SLCO1C1: variants seen among roughly 807,000 people sequenced by gnomAD.
SLCO1C1 encodes the protein OAT-RP-5.
In SLCO1C1, 70 loss-of-function variants were observed where a neutral mutation model predicts 76.4. The ratio of observed to expected loss-of-function variants is 0.92; its 90% CI spans 0.76 to 1.12. The LOEUF is 1.12. Ranked by LOEUF, SLCO1C1 falls within the 50% of genes most tolerant of loss-of-function variation. SLCO1C1 has a pLI of 0.00. For synonymous variants in SLCO1C1, 306 were observed against 286.1 expected (o/e 1.07, Z -0.70); for missense variants, 912 against 823.8 (o/e 1.11, Z -1.31).
intron 8 of SLCO1C1, 41 bp downstream of exon 8, chr12:20,722,090 G>T (rs1364566874): frequency 6.3e-7 from 1 of 1,589,316 alleles, no homozygotes; most frequent in South Asian, 1.1e-5. Flanking sequence ...TCATTTTTCT[G>T]TTGGGGCTTA....
chr12:20,720,714 C>A (rs1325226275), intron 7 of SLCO1C1, among the ~76,000 whole-genome samples: 1 of 152,154 alleles, frequency 6.6e-6, no homozygotes, highest in Non-Finnish European at 1.5e-5. Flanking sequence ...AAAGCTTGAA[C>A]AGGCTGGGCG....
intron 9 of SLCO1C1, among the ~76,000 whole-genome samples, chr12:20,727,024 T>C (rs1948041347): frequency 1.3e-5 from 2 of 152,218 alleles, no homozygotes; most frequent in Non-Finnish European, 2.9e-5. Flanking sequence ...TCTGTGTTGC[T>C]GCAAAGGGCA....
At chr12:20,739,963 C>T (rs10770715) in intron 11 of SLCO1C1, among the ~76,000 whole-genome samples, 66,210 of 151,964 alleles carry the variant, frequency 0.44, 17,143 homozygotes, top group South Asian at 0.63. Context: ...GATTGTTGTA[C>T]AGGATTAGTA....
intron 7 of SLCO1C1, among the ~76,000 whole-genome samples, chr12:20,719,837 T>C (rs893779740): frequency 3.3e-5 from 5 of 152,180 alleles, no homozygotes; most frequent in African/African-American, 1.2e-4. Flanking sequence ...CAGAAAGTTA[T>C]CCAGAATATT....
rs772559363 is a variant in SLCO1C1 at position 20,750,890 on chromosome 12, T to C, written c.1916+98T>C. 3.2e-5 allele frequency: 52 copies of C among 1,611,782 alleles called. No individual in the cohort carries two copies. The Admixed American group carries it at 7.5e-4, about 23-fold the overall frequency. ...CAAGTTTTCATGTCATTTCACTGCTTGTAAGGTAAAGAATAGTCTAATCAA... is the reference window on the plus strand; with the variant it reads ...CAAGTTTTCATGTCATTTCACTGCTCGTAAGGTAAAGAATAGTCTAATCAA... On this transcript the variant is annotated intron_variant, in intron 14 of 14. Transcript: ENST00000266509.
chr12:20,751,231 C>T (rs776687235), intron 14 of SLCO1C1, among the ~76,000 whole-genome samples: 5 of 152,160 alleles, frequency 3.3e-5, no homozygotes, highest in Non-Finnish European at 5.9e-5. Context: ...TAAATCTGTC[C>T]GGCTTTTATT....
intron 7 of SLCO1C1, 71 bp from the exon 8 acceptor site, chr12:20,721,733 T>G: frequency 6.7e-7 from 1 of 1,500,148 alleles, no homozygotes; most frequent in South Asian, 1.3e-5. Context: ...CAAGAATTTA[T>G]TTTTAAGTAT....
At chr12:20,728,226 G>A (rs1235494098) in intron 9 of SLCO1C1, among the ~76,000 whole-genome samples, 6 of 151,942 alleles carry the variant, frequency 3.9e-5, no homozygotes, top group African/African-American at 1.4e-4. Context: ...TCATTCTTTT[G>A]CATATGACTA....
chr12:20,741,372 A>T (rs1948809178), intron 12 of SLCO1C1, among the ~76,000 whole-genome samples: 1 of 152,104 alleles, frequency 6.6e-6, no homozygotes, highest in African/African-American at 2.4e-5. Context: ...ACACATAAAA[A>T]TTTTTTATCA....
At position 20,740,245 on chromosome 12, in the gene SLCO1C1, T is replaced by C; in HGVS notation, c.1610T>C (p.Ile537Thr). ...AASKSGNSSG[I>T]VGRCQKDNGC... is the part of the protein sequence containing the mutation. The stretch of plus-strand genomic sequence containing the variant: ...TCTAAATCCGGAAATTCCTCAGGCA[T>C]AGTGGGAAGATGTCAGAAAGACAAT... The change falls in exon 12 of 15, where the codon ATA (isoleucine) becomes ACA (threonine). Residue 537 changes from isoleucine to threonine, a missense_variant. Transcript: ENST00000266509. 1 of 1,613,932 alleles carries C rather than the reference T, an allele frequency of 6.2e-7. No homozygotes were observed. The highest frequency in any genetic ancestry group is 8.5e-7 in the Non-Finnish European group (1 of 1,179,926).
At position 20,711,562 on chromosome 12, in the gene SLCO1C1, A is replaced by G. The variant is rs58482708; in HGVS notation, c.529+52A>G. ...AACAAGCTTTTAAAAAAAAGACTTT[A>G]TATGTGCTTTAGGATGGACAAAAGT... On this transcript the variant is annotated intron_variant, in intron 5 of 14. Coordinates refer to ENST00000266509, the MANE Select transcript of SLCO1C1 (RefSeq NM_017435.5). The G allele has an allele frequency of 0.013, 20,445 of 1,587,222 alleles. 242 individuals are homozygous for G. The highest frequency in any genetic ancestry group is 0.054 in the Middle Eastern group (322 of 5,916).
chr12:20,729,447 C>T (rs910976046), intron 9 of SLCO1C1, among the ~76,000 whole-genome samples: 2 of 151,942 alleles, frequency 1.3e-5, no homozygotes, highest in Admixed American at 1.3e-4. Context: ...GCCATTCTTC[C>T]TTTGAGGGTT....
chr12:20,725,999 T>C (rs1947966016), intron 9 of SLCO1C1, among the ~76,000 whole-genome samples: 1 of 152,106 alleles, frequency 6.6e-6, no homozygotes, highest in Non-Finnish European at 1.5e-5. Context: ...TAGCTAGGAT[T>C]GTTCCTGAGA....
intron 5 of SLCO1C1, among the ~76,000 whole-genome samples, chr12:20,712,622 C>A (rs566314485): frequency 4.2e-4 from 64 of 152,244 alleles, no homozygotes; most frequent in African/African-American, 1.4e-3. Context: ...AGAATGGAAG[C>A]CTTTCTAAAA....
Position 20,701,384 on chromosome 12 carries a change from A to C in SLCO1C1, c.196A>C (p.Thr66Pro), listed in dbSNP as rs1946518320. 6.4e-7 allele frequency: 1 copy of C among 1,556,762 alleles called. No individual in the cohort carries two copies. Among genetic ancestry groups the C allele is most frequent in the Non-Finnish European group, 8.8e-7 (1 of 1,138,830 alleles). The change falls in exon 3 of 15, where the codon ACC becomes CCC. Residue 66 changes from threonine to proline, a missense_variant. Thr to Pro is a conservative substitution (Grantham distance 38). Coordinates refer to ENST00000266509, the MANE Select transcript of SLCO1C1 (RefSeq NM_017435.5). ...ATTGGCAGAAGGCTATCTGAAGAGC[A>C]CCATCACTCAGATAGAGAGAAGGTT... ...KALAEGYLKS[T>P]ITQIERRFDI... is the part of the protein sequence containing the mutation.
At chr12:20,741,756 T>C (rs1022738661) in intron 12 of SLCO1C1, among the ~76,000 whole-genome samples, 1 of 152,158 alleles carries the variant, frequency 6.6e-6, no homozygotes, top group Non-Finnish European at 1.5e-5. Flanking sequence ...TTCATTCTAA[T>C]TGAGTTAGCT....
intron 4 of SLCO1C1, among the ~76,000 whole-genome samples, chr12:20,710,205 T>TC (rs1348811857): frequency 1.5e-5 from 2 of 132,432 alleles, no homozygotes; most frequent in African/African-American, 3.0e-5. Flanking sequence ...CTTTTCTTTT[T>TC]TTTTTTTTTT....
chr12:20,713,466 T>G (rs999194208), intron 5 of SLCO1C1, among the ~76,000 whole-genome samples: 43 of 152,186 alleles, frequency 2.8e-4, no homozygotes, highest in Non-Finnish European at 1.0e-4. Context: ...GGGCTTAGAC[T>G]CAGTAATTAA....
At chr12:20,720,685 A>C (rs55681426) in intron 7 of SLCO1C1, among the ~76,000 whole-genome samples, 2,571 of 152,330 alleles carry the variant, frequency 0.017, 38 homozygotes, top group Admixed American at 0.041. Flanking sequence ...ATGCGACTGA[A>C]TTGCTGCAAT....
Sources: gnomAD v4.1 joint callset for allele counts (sites outside exome capture counted in the v4.1 genomes callset) on GRCh38, gnomAD v4.1.1 for gene constraint, MANE v1.5 for transcripts, NCBI Gene and HGNC (gene_info 2026-07-23, HGNC 2026-07-21) for gene names.